Variants in PLXNA2 observed in about 807,000 individuals in gnomAD.
PLXNA2 encodes plexin-A2.
A neutral mutation model predicts 193.5 loss-of-function variants in PLXNA2; 91 were observed. That is an observed-to-expected ratio of 0.47 (90% CI 0.40 to 0.56). The LOEUF is 0.56. Ranked by LOEUF, PLXNA2 falls within the 20% of genes least tolerant of loss-of-function variation. The pLI is 0.00. For missense variants in PLXNA2, 1,995 were observed against 2,503.2 expected (o/e 0.80, Z 4.33); for synonymous variants, 997 against 1,027.3 (o/e 0.97, Z 0.56).
intron 12 of PLXNA2, among the ~76,000 whole-genome samples, chr1:208,069,698 G>A (rs1665920061): frequency 6.6e-6 from 1 of 152,184 alleles, no homozygotes; most frequent in Non-Finnish European, 1.5e-5. Context: ...TCGGGGCAGA[G>A]GAGCTTGGTG....
intron 1 of PLXNA2, 78 bp from the exon 2 acceptor site, chr1:208,218,080 C>T (rs1467601939): frequency 7.6e-7 from 1 of 1,319,054 alleles, no homozygotes; most frequent in South Asian, 1.3e-5. Flanking sequence ...ACCCAGGGTC[C>T]CCATCCTGGT....
intron 1 of PLXNA2, among the ~76,000 whole-genome samples, chr1:208,240,232 T>A (rs1672003751): frequency 2.6e-5 from 4 of 152,162 alleles, no homozygotes; most frequent in Admixed American, 2.6e-4. Flanking sequence ...TGGAGCTAGA[T>A]AAAGAGGTTC....
chr1:208,130,691 C>T (rs1668120015), intron 4 of PLXNA2, among the ~76,000 whole-genome samples: 1 of 152,190 alleles, frequency 6.6e-6, no homozygotes, highest in African/African-American at 2.4e-5. Flanking sequence ...CAGGCAGACT[C>T]TTACCTACTC....
chr1:208,223,855 C>A (rs1006593906), intron 1 of PLXNA2, among the ~76,000 whole-genome samples: 5 of 152,180 alleles, frequency 3.3e-5, no homozygotes, highest in Admixed American at 1.3e-4. Flanking sequence ...CTGAAATTTT[C>A]TGATATTGAA....
In PLXNA2 at chr1:208,210,306, C is replaced by T. The variant is rs1253181306; in HGVS notation, c.1345G>A (p.Gly449Arg). Reference protein sequence around the residue: ...VYNGYSVVFVGTKSGKLKKIR... With the variant: ...VYNGYSVVFVRTKSGKLKKIR... Reference sequence around the variant, plus strand: ...TTTTTCAGCTTGCCACTCTTAGTCCCCACAAAAACCACGCTGTAGCCGTTG... The same window carrying T: ...TTTTTCAGCTTGCCACTCTTAGTCCTCACAAAAACCACGCTGTAGCCGTTG... The change falls in exon 3 of 32, where the codon GGG (glycine) becomes AGG (arginine). Residue 449 changes from glycine to arginine, a missense_variant. Physicochemically the swap from Gly to Arg is moderately radical, Grantham distance 125. Transcript: ENST00000367033. The T allele has an allele frequency of 6.2e-7, 1 of 1,613,896 alleles. No homozygotes were observed. Among genetic ancestry groups the T allele is most frequent in the Non-Finnish European group, 8.5e-7 (1 of 1,180,014 alleles).
intron 3 of PLXNA2, among the ~76,000 whole-genome samples, chr1:208,192,696 G>A (rs1572016693): frequency 1.3e-5 from 2 of 152,056 alleles, no homozygotes; most frequent in East Asian, 3.9e-4. Flanking sequence ...AGACCAGCCT[G>A]GCCAACATGG....
chr1:208,211,489 C>A (rs921071894), intron 2 of PLXNA2, among the ~76,000 whole-genome samples: 3 of 152,222 alleles, frequency 2.0e-5, no homozygotes, highest in East Asian at 3.9e-4. Context: ...GTCAGGAGAT[C>A]GAGACCATTC....
chr1:208,126,524 A>T (rs1667980531), intron 4 of PLXNA2, among the ~76,000 whole-genome samples: 2 of 152,226 alleles, frequency 1.3e-5, no homozygotes, highest in South Asian at 4.1e-4. Context: ...TGTTCTAGGC[A>T]CTATGCTCAT....
intron 1 of PLXNA2, among the ~76,000 whole-genome samples, chr1:208,226,919 C>G (rs1466310032): frequency 6.6e-6 from 1 of 152,216 alleles, no homozygotes; most frequent in Non-Finnish European, 1.5e-5. Flanking sequence ...TAGCAGGGCT[C>G]TGATGCTATG....
chr1:208,232,324 C>T (rs1311184288), intron 1 of PLXNA2, among the ~76,000 whole-genome samples: 1 of 152,240 alleles, frequency 6.6e-6, no homozygotes, highest in East Asian at 1.9e-4. Context: ...GCAGTCCCTG[C>T]AGCCAGCCCA....
intron 1 of PLXNA2, 182 bp from the exon 2 acceptor site, chr1:208,218,184 A>G (rs913533986): frequency 1.7e-6 from 1 of 597,494 alleles, no homozygotes; most frequent in Non-Finnish European, 2.9e-6. Flanking sequence ...CCTGTTATCT[A>G]TTTTGGTCTC....
chr1:208,102,962 C>T (rs1318121609), intron 5 of PLXNA2, among the ~76,000 whole-genome samples, 185 bp downstream of exon 5: 2 of 152,214 alleles, frequency 1.3e-5, no homozygotes, highest in Non-Finnish European at 2.9e-5. Flanking sequence ...AGACCCTGCA[C>T]TTAGAAAGAA....
chr1:208,203,418 T>A lies in PLXNA2; in HGVS notation c.1371+6862A>T, dbSNP rs190249544. ...AGGGTATCAGATGGGCGGTCTCAGG[T>A]CCCAGGAGAGCCACTAAGTCTCTTA... is the stretch of plus-strand genomic sequence containing the variant. On this transcript the variant is annotated intron_variant, in intron 3 of 31. Coordinates refer to ENST00000367033, the MANE Select transcript of PLXNA2 (RefSeq NM_025179.4). Among the ~76,000 whole-genome samples the A allele has an allele frequency of 5.3e-5, 8 of 152,232 alleles. No homozygotes were observed. In the East Asian group the frequency reaches 1.4e-3, roughly 26 times the overall value.
At chr1:208,031,804 A>T in intron 28 of PLXNA2, 45 bp from the exon 29 acceptor site, 1 of 1,478,434 alleles carries the variant, frequency 6.8e-7, no homozygotes, top group Non-Finnish European at 9.3e-7. Flanking sequence ...GGGTGACGGC[A>T]GGTAGCAGAC....
At chr1:208,118,668 T>C (rs764060278) in intron 4 of PLXNA2, among the ~76,000 whole-genome samples, 5 of 152,012 alleles carry the variant, frequency 3.3e-5, no homozygotes, top group Non-Finnish European at 5.9e-5. Context: ...CTGCCTCAAA[T>C]GTAACCAATG....
chr1:208,160,311 G>A (rs1669072905), intron 3 of PLXNA2, among the ~76,000 whole-genome samples: 2 of 152,242 alleles, frequency 1.3e-5, no homozygotes, highest in South Asian at 2.1e-4. Flanking sequence ...CCTGGGAAGA[G>A]TAGCTGTATA....
Position 208,199,355 on chromosome 1 carries a change from G to A in PLXNA2, c.1371+10925C>T, listed in dbSNP as rs759857007. 2.6e-4 allele frequency among the ~76,000 whole-genome samples: 40 copies of A among 152,336 alleles called. No homozygotes were observed. The Middle Eastern group carries it at 0.01, about 39-fold the overall frequency. ...TTTAAGTTCGGCATAGGAAATGCCT[G>A]CATGCTAGAGAGGCCGAGGTCAGTC... On this transcript the variant is annotated intron_variant, in intron 3 of 31. Transcript: ENST00000367033.
At chr1:208,032,801 G>A (rs961040449) in intron 28 of PLXNA2, among the ~76,000 whole-genome samples, 1 of 152,150 alleles carries the variant, frequency 6.6e-6, no homozygotes, top group Non-Finnish European at 1.5e-5. Flanking sequence ...GGCCAGAAAG[G>A]GGATAGAAAG....
intron 1 of PLXNA2, among the ~76,000 whole-genome samples, chr1:208,223,806 G>A (rs993977884): frequency 5.3e-5 from 8 of 152,176 alleles, no homozygotes; most frequent in African/African-American, 1.7e-4. Context: ...GGGACATTCT[G>A]CCTAGAGAGG....
Sources: allele counts gnomAD v4.1 joint callset (sites outside exome capture counted in the v4.1 genomes callset), GRCh38; gene constraint gnomAD v4.1.1; transcripts MANE v1.5; gene names NCBI Gene and HGNC (gene_info 2026-07-23, HGNC 2026-07-21).